Variants in PLCB4 observed in about 807,000 individuals in gnomAD.
PLCB4 encodes 1-phosphatidylinositol 4,5-bisphosphate phosphodiesterase beta-4.
Under a neutral mutation model 178.8 loss-of-function variants are expected in PLCB4, and 77 were observed. The observed-to-expected ratio is 0.43, with a 90% CI of 0.36 to 0.52. The LOEUF (loss-of-function observed/expected upper bound fraction) is 0.52. Ranked by LOEUF, PLCB4 falls within the 20% of genes least tolerant of loss-of-function variation. The pLI is 0.00. For synonymous variants in PLCB4, 496 were observed against 490.8 expected, an observed-to-expected ratio of 1.01 and a Z score of -0.14; for missense variants, 1,024 against 1,453.4, an observed-to-expected ratio of 0.70 and a Z score of 4.80.
chr20:9,467,511 C>G (rs1332004572), intron 35 of PLCB4, among the ~76,000 whole-genome samples: 1 of 152,162 alleles, frequency 6.6e-6, no homozygotes, highest in Non-Finnish European at 1.5e-5. Flanking sequence ...TTCTCAAACC[C>G]CTGGTGGTTG....
chr20:9,377,920 T>A (rs577531454), intron 12 of PLCB4, among the ~76,000 whole-genome samples: 2 of 152,216 alleles, frequency 1.3e-5, no homozygotes, highest in Non-Finnish European at 2.9e-5. Context: ...TACTCAGAAG[T>A]CTTATGAAAA....
intron 3 of PLCB4, among the ~76,000 whole-genome samples, chr20:9,256,498 C>T (rs755902197): frequency 1.1e-4 from 17 of 152,190 alleles, no homozygotes; most frequent in Non-Finnish European, 2.1e-4. Flanking sequence ...CAAGGCTACT[C>T]CTAATTGTAA....
chr20:9,187,099 C>T (rs2093339245), intron 2 of PLCB4, among the ~76,000 whole-genome samples: 1 of 152,012 alleles, frequency 6.6e-6, no homozygotes. Flanking sequence ...CTCAGCCTCC[C>T]TGAGGGATTA....
At chr20:9,435,461 C>T (rs2041705237) in intron 28 of PLCB4, 99 bp from the exon 29 acceptor site, 1 of 705,766 alleles carries the variant, frequency 1.4e-6, no homozygotes, top group Non-Finnish European at 2.5e-6. Flanking sequence ...ACAGAAAGCA[C>T]AACAGGTATC....
At chr20:9,118,909 G>T (rs2091870653) in intron 2 of PLCB4, among the ~76,000 whole-genome samples, 1 of 152,100 alleles carries the variant, frequency 6.6e-6, no homozygotes, top group Non-Finnish European at 1.5e-5. Flanking sequence ...CTTTATTAAG[G>T]CTCTCATGTG....
At chr20:9,099,413 T>C (rs1238780193) in intron 2 of PLCB4, among the ~76,000 whole-genome samples, 1 of 152,198 alleles carries the variant, frequency 6.6e-6, no homozygotes, top group East Asian at 1.9e-4. Flanking sequence ...GATGTATTCT[T>C]CAGTACGAAA....
chr20:9,287,755 T>G (rs1247672447), intron 3 of PLCB4, among the ~76,000 whole-genome samples: 2 of 152,104 alleles, frequency 1.3e-5, no homozygotes, highest in East Asian at 3.9e-4. Flanking sequence ...AAAATTACTT[T>G]GTTCTATAAA....
chr20:9,150,936 G>T (rs1488392770), intron 2 of PLCB4, among the ~76,000 whole-genome samples: 1 of 152,118 alleles, frequency 6.6e-6, no homozygotes, highest in Non-Finnish European at 1.5e-5. Context: ...TTGTGTTTAT[G>T]ATGGGAGCCT....
intron 2 of PLCB4, among the ~76,000 whole-genome samples, chr20:9,201,360 TA>T (rs1374752487): frequency 6.6e-6 from 1 of 152,236 alleles, no homozygotes; most frequent in Non-Finnish European, 1.5e-5. Flanking sequence ...GTAGGATTTT[TA>T]TACTCATAAA....
At position 9,294,847 on chromosome 20, in the gene PLCB4, T is replaced by G. The variant is rs192985944; in HGVS notation, c.-15-12953T>G. Reference sequence around the variant, plus strand: ...ATGTCTGCTGTCGGGGTACCATACTTTAAGAACCAATAATCTAAGGCAAAT... The same window carrying G: ...ATGTCTGCTGTCGGGGTACCATACTGTAAGAACCAATAATCTAAGGCAAAT... On this transcript the variant is annotated intron_variant, in intron 3 of 39. Coordinates refer to ENST00000378473, the MANE Select transcript of PLCB4 (RefSeq NM_001377142.1). 5.1e-3 allele frequency among the ~76,000 whole-genome samples: 769 copies of G among 152,168 alleles called. 20 individuals carry two copies. The highest frequency in any genetic ancestry group is 2.5e-3 in the Non-Finnish European group (167 of 68,000).
chr20:9,251,578 G>A (rs527251624), intron 3 of PLCB4, among the ~76,000 whole-genome samples: 1 of 152,232 alleles, frequency 6.6e-6, no homozygotes, highest in South Asian at 2.1e-4. Flanking sequence ...TCCCCCAGCT[G>A]CATTTAATTT....
At chr20:9,108,141 C>A (rs540633847) in intron 2 of PLCB4, among the ~76,000 whole-genome samples, 1 of 152,166 alleles carries the variant, frequency 6.6e-6, no homozygotes, top group East Asian at 1.9e-4. Flanking sequence ...AATCATGATT[C>A]CCATTAGGTG....
At chr20:9,471,164 G>A (rs1178769423) in intron 36 of PLCB4, among the ~76,000 whole-genome samples, 1 of 152,050 alleles carries the variant, frequency 6.6e-6, no homozygotes, top group Non-Finnish European at 1.5e-5. Context: ...GATATTTGGA[G>A]GGAAAAATAT....
intron 2 of PLCB4, among the ~76,000 whole-genome samples, chr20:9,114,116 A>G (rs990082878): frequency 6.6e-6 from 1 of 152,144 alleles, no homozygotes; most frequent in Non-Finnish European, 1.5e-5. Flanking sequence ...CGGGAGGCTG[A>G]TGCAGGAGAA....
At chr20:9,183,424 G>A (rs1412858942) in intron 2 of PLCB4, among the ~76,000 whole-genome samples, 1 of 152,160 alleles carries the variant, frequency 6.6e-6, no homozygotes, top group Non-Finnish European at 1.5e-5. Context: ...AGGCATGGGG[G>A]AAAGGGCTGT....
At chr20:9,119,529 A>AC (rs2091891921) in intron 2 of PLCB4, among the ~76,000 whole-genome samples, 1 of 151,826 alleles carries the variant, frequency 6.6e-6, no homozygotes, top group Non-Finnish European at 1.5e-5. Context: ...AAAAAAAAAA[A>AC]AAACAAAGTA....
At chr20:9,347,802 CCT>C (rs1178623176) in intron 7 of PLCB4, among the ~76,000 whole-genome samples, 1 of 152,084 alleles carries the variant, frequency 6.6e-6, no homozygotes, top group Non-Finnish European at 1.5e-5. Context: ...ATGGTGAAAC[CCT>C]GTCTCTACTA....
At chr20:9,225,823 A>C (rs1415090222) in intron 3 of PLCB4, among the ~76,000 whole-genome samples, 1 of 152,250 alleles carries the variant, frequency 6.6e-6, no homozygotes, top group Non-Finnish European at 1.5e-5. Context: ...TTGATATATC[A>C]ATAAAATGTT....
intron 2 of PLCB4, among the ~76,000 whole-genome samples, chr20:9,199,090 G>A (rs2093508841): frequency 6.6e-6 from 1 of 152,152 alleles, no homozygotes; most frequent in African/African-American, 2.4e-5. Context: ...TATTGCCAAT[G>A]GGGACTCTAT....
Sources: allele counts gnomAD v4.1 joint callset (sites outside exome capture counted in the v4.1 genomes callset), GRCh38; gene constraint gnomAD v4.1.1; transcripts MANE v1.5; gene names NCBI Gene and HGNC (gene_info 2026-07-23, HGNC 2026-07-21).